LINC00237: variants seen among roughly 807,000 people sequenced by gnomAD.
LINC00237 encodes the protein long independently transcribed non-coding RNA 237.
At chr20:21,098,093 A>C (rs1409002072) in intron 1 of LINC00237, among the ~76,000 whole-genome samples, 2 of 152,254 alleles carry the variant, frequency 1.3e-5, no homozygotes, top group East Asian at 3.8e-4. Context: ...CAAAGGGGAT[A>C]GGTTCTGTAT....
At chr20:21,096,402 A>G (rs1242924080) in intron 1 of LINC00237, among the ~76,000 whole-genome samples, 1 of 152,164 alleles carries the variant, frequency 6.6e-6, no homozygotes, top group African/African-American at 2.4e-5. Context: ...ATGAGATGAC[A>G]ATTACGCACA....
intron 2 of LINC00237, chr20:21,089,826 G>A (rs578042425): frequency 3.3e-5 from 5 of 152,194 alleles, no homozygotes; most frequent in Admixed American, 6.5e-5. Context: ...AAGCGAAGGC[G>A]TCTAGATTTG....
chr20:21,088,191 C>T (rs567086556), intron 2 of LINC00237, among the ~76,000 whole-genome samples: 10 of 152,184 alleles, frequency 6.6e-5, no homozygotes, highest in African/African-American at 2.2e-4. Flanking sequence ...CTGAAACTGC[C>T]GCAGTCACTA....
intron 1 of LINC00237, among the ~76,000 whole-genome samples, chr20:21,097,392 G>A (rs928473332): frequency 1.3e-5 from 2 of 151,738 alleles, no homozygotes; most frequent in African/African-American, 4.8e-5. Flanking sequence ...AAAAAAGGGG[G>A]CAATGAAAGC....
At chr20:21,088,549 A>G (rs915904988) in intron 2 of LINC00237, among the ~76,000 whole-genome samples, 1 of 152,334 alleles carries the variant, frequency 6.6e-6, no homozygotes, top group South Asian at 2.1e-4. Context: ...AATAATTTCA[A>G]CCTCATAACA....
intron 2 of LINC00237, among the ~76,000 whole-genome samples, chr20:21,091,457 C>T (rs138108112): frequency 6.6e-6 from 1 of 152,264 alleles, no homozygotes; most frequent in East Asian, 1.9e-4. Flanking sequence ...CAAACCCTCC[C>T]ATCCCTGAAA....
chr20:21,103,570 A>C (rs569991238), intron 1 of LINC00237, among the ~76,000 whole-genome samples: 3 of 152,222 alleles, frequency 2.0e-5, no homozygotes, highest in Non-Finnish European at 4.4e-5. Flanking sequence ...TGCAATATGA[A>C]ATCAAATGAT....
At chr20:21,105,543 A>G (rs1429117479) in intron 1 of LINC00237, among the ~76,000 whole-genome samples, 1 of 152,128 alleles carries the variant, frequency 6.6e-6, no homozygotes, top group African/African-American at 2.4e-5. Flanking sequence ...CGGCAGGGAC[A>G]GTGTGAGCGC....
intron 3 of LINC00237, chr20:21,087,802 A>T (rs1055014547): frequency 1.3e-5 from 2 of 152,138 alleles, no homozygotes; most frequent in African/African-American, 4.8e-5. Flanking sequence ...TTCATTCCTG[A>T]TATAATAGTG....
intron 2 of LINC00237, chr20:21,092,718 T>C (rs1265744332): frequency 6.6e-6 from 1 of 152,232 alleles, no homozygotes; most frequent in Non-Finnish European, 1.5e-5. Context: ...ATGTATATTT[T>C]CTGATGCTGA....
At chr20:21,102,965 G>A (rs2030953014) in intron 1 of LINC00237, among the ~76,000 whole-genome samples, 1 of 152,248 alleles carries the variant, frequency 6.6e-6, no homozygotes, top group African/African-American at 2.4e-5. Flanking sequence ...GTCAGCAGCT[G>A]GACCCGGAAG....
In LINC00237 at chr20:21,086,690, C is replaced by CTATATATGTATAGTATACTATAA. The variant is rs1568883498; in HGVS notation, n.560-803_560-802insTTATAGTATACTATACATATATA. 9.0e-4 allele frequency among the ~76,000 whole-genome samples: 4 copies of CTATATATGTATAGTATACTATAA among 4,460 alleles called. No individual in the cohort carries two copies. In the East Asian group the frequency reaches 0.02, roughly 22 times the overall value. The allele number at this position is 4,460 out of a possible 152,430, so 2.9% of individuals were successfully genotyped here. ...TACTATATATAGTATACTACATATA[C>CTATATATGTATAGTATACTATAA]ATATGTAGTATACTATATATACATA... On this transcript the variant is annotated intron_variant and non_coding_transcript_variant, in intron 3 of 3. Transcript: ENST00000691244.
At chr20:21,093,787 G>A (rs6137259) in exon 2 of LINC00237, 32,010 of 152,232 alleles carry the variant, frequency 0.21, 4,404 homozygotes, top group African/African-American at 0.38. Flanking sequence ...CTTCCTCCTC[G>A]TTTCTCCTTC....
intron 1 of LINC00237, among the ~76,000 whole-genome samples, chr20:21,094,598 C>G (rs2030832129): frequency 6.6e-6 from 1 of 152,094 alleles, no homozygotes. Flanking sequence ...ATGATAGTAT[C>G]CGAATATAAC....
chr20:21,103,721 A>T (rs1287613271), intron 1 of LINC00237, among the ~76,000 whole-genome samples: 2 of 152,124 alleles, frequency 1.3e-5, no homozygotes, highest in African/African-American at 4.8e-5. Context: ...GGTGAAATCA[A>T]TGTGCGCCAA....
intron 2 of LINC00237, chr20:21,092,937 C>A (rs1220430962): frequency 6.6e-6 from 1 of 152,092 alleles, no homozygotes; most frequent in Non-Finnish European, 1.5e-5. Flanking sequence ...GCTAAGTCAC[C>A]CACCTTTACA....
At chr20:21,089,677 A>G (rs1250837072) in intron 2 of LINC00237, 2 of 152,240 alleles carry the variant, frequency 1.3e-5, no homozygotes, top group African/African-American at 4.8e-5. Flanking sequence ...CATACAGCAA[A>G]CAATGTCCAA....
At chr20:21,086,783 C>CCA (rs2030712521) in intron 3 of LINC00237, among the ~76,000 whole-genome samples, 1 of 119,778 alleles carries the variant, frequency 8.3e-6, no homozygotes, top group Admixed American at 8.6e-5. Context: ...TATACATGTA[C>CCA]TATATATACA....
intron 1 of LINC00237, among the ~76,000 whole-genome samples, chr20:21,104,864 C>A (rs958286384): frequency 6.6e-6 from 1 of 152,164 alleles, no homozygotes; most frequent in Non-Finnish European, 1.5e-5. Context: ...CGTACACACA[C>A]ACTCATATAT....
Sources: allele counts gnomAD v4.1 joint callset (sites outside exome capture counted in the v4.1 genomes callset), GRCh38; gene constraint gnomAD v4.1.1; transcripts MANE v1.5; gene names NCBI Gene and HGNC (gene_info 2026-07-23, HGNC 2026-07-21).